Variants in GJB4 observed in about 807,000 individuals in gnomAD.
The protein encoded by GJB4 is gap junction protein beta 4, also known as gap junction beta-4 protein.
For missense variants in GJB4, 371 were observed against 363.8 expected (o/e 1.02, Z -0.16); for synonymous variants, 162 against 158.1 (o/e 1.02, Z -0.18).
chr1:34,761,020 C>G lies in GJB4; in HGVS notation c.-235C>G. On this transcript the variant is annotated 5_prime_UTR_variant, in exon 2 of 2. In the 5' UTR this introduces an upstream ATG that the reference lacks. Transcript: ENST00000339480. The surrounding 1 kb of genome is among the most constrained non-coding windows in gnomAD (Gnocchi z 4.4). Reference sequence around the variant, plus strand: ...CATCTGTGGACCATTGGGCAGGTATCTCTGGGCCTTCACTTACTCTTTGTG... The same window carrying G: ...CATCTGTGGACCATTGGGCAGGTATGTCTGGGCCTTCACTTACTCTTTGTG... The G allele has an allele frequency of 1.7e-6, 1 of 596,822 alleles. No homozygotes were observed. 37.0% of individuals were successfully genotyped at this position (596,822 alleles called of 1,614,324 possible).
Position 34,762,219 on chromosome 1 carries a change from T to C in GJB4, c.*164T>C. ...GCCAATGTGGGAGGTTGGGGGTAGT[T>C]TGGTCCCTGGGTCCTGAGCCTCAGG... On this transcript the variant is annotated 3_prime_UTR_variant, in exon 2 of 2. Transcript: ENST00000339480. 2.8e-6 allele frequency: 2 copies of C among 725,596 alleles called. No individual in the cohort carries two copies. The highest frequency in any genetic ancestry group is 4.2e-5 in the Admixed American group (2 of 47,212). 44.9% of individuals were successfully genotyped at this position (725,596 alleles called of 1,614,324 possible). A position where few individuals can be genotyped will look rare whatever the true frequency, so the allele number is the denominator to read the frequency against.
chr1:34,760,790 G>A (rs1639695641), intron 1 of GJB4, 143 bp from the exon 2 acceptor site: 1 of 244,266 alleles, frequency 4.1e-6, no homozygotes, highest in Non-Finnish European at 8.1e-6. Flanking sequence ...GCCCAGCCCT[G>A]GCAGCTGATG....
rs1998177 is a variant in GJB4, at chr1:34,760,655, T to C, written c.-322-278T>C. The stretch of plus-strand genomic sequence containing the variant: ...AGGCAAGGAGTAAGGATGCAGATTG[T>C]TCTGGGATTTACCAAGGGGCTGATG... On this transcript the variant is annotated intron_variant, in intron 1 of 1. Coordinates refer to ENST00000339480, the MANE Select transcript of GJB4 (RefSeq NM_153212.3). 0.5 allele frequency among the ~76,000 whole-genome samples: 76,457 copies of C among 152,068 alleles called. 21,497 individuals carry two copies. The highest frequency in any genetic ancestry group is 0.77 in the African/African-American group (31,966 of 41,486).
At chr1:34,760,834 G>A (rs573390075) in intron 1 of GJB4, 99 bp from the exon 2 acceptor site, 12 of 280,204 alleles carry the variant, frequency 4.3e-5, no homozygotes, top group African/African-American at 1.5e-4. Context: ...GCCTTCCTAC[G>A]GTCTCTTTAG....
Position 34,761,934 on chromosome 1 carries a change from G to A in GJB4, c.680G>A (p.Arg227Gln), listed in dbSNP as rs768318044. 17 of 1,614,052 alleles carry A rather than the reference G, an allele frequency of 1.1e-5. No homozygotes were observed. The highest frequency in any genetic ancestry group is 6.7e-5 in the Admixed American group (4 of 60,014). ...FGPRHRRPRC[R>Q]ECLPDTCPPY... ...CCCAGGCACCGGCGGCCTCGGTGCC[G>A]GGAATGCCTACCCGATACGTGCCCA... is the stretch of plus-strand genomic sequence containing the variant. The change falls in exon 2 of 2, where the codon CGG becomes CAG. Residue 227 changes from arginine to glutamine, a missense_variant. Arg to Gln is a conservative substitution (Grantham distance 43, BLOSUM62 1). Coordinates refer to ENST00000339480, the MANE Select transcript of GJB4 (RefSeq NM_153212.3). The surrounding 1 kb of genome is among the most constrained non-coding windows in gnomAD (Gnocchi z 4.4).
At position 34,761,504 on chromosome 1, in the gene GJB4, G is replaced by T. The variant is rs773583740; in HGVS notation, c.250G>T (p.Val84Phe). 5 of 1,614,170 alleles carry T rather than the reference G, an allele frequency of 3.1e-6. No homozygotes were observed. In the Admixed American group the frequency reaches 6.7e-5, roughly 22 times the overall value. ...CCTCTGGGCCCTACAGCTCATCCTGGTCACGTGCCCCTCACTGCTCGTGGT... is the reference window on the plus strand; with the variant it reads ...CCTCTGGGCCCTACAGCTCATCCTGTTCACGTGCCCCTCACTGCTCGTGGT... ...VRLWALQLIL[V>F]TCPSLLVVMH... The change falls in exon 2 of 2, where the codon GTC (valine) becomes TTC (phenylalanine). Residue 84 changes from valine (V) to phenylalanine (F), a missense_variant. Physicochemically the swap from Val to Phe is conservative, Grantham distance 50. Coordinates refer to ENST00000339480, the MANE Select transcript of GJB4 (RefSeq NM_153212.3). The surrounding 1 kb of genome is among the most constrained non-coding windows in gnomAD (Gnocchi z 4.4).
rs144672584 is a variant in GJB4, at chr1:34,762,185, C to A, written c.*130C>A. The stretch of plus-strand genomic sequence containing the variant: ...GGTGGCTGTGGGGGCTCAGGAAGCT[C>A]GCCCAGGGGCCAATGTGGGAGGTTG... On this transcript the variant is annotated 3_prime_UTR_variant, in exon 2 of 2. Transcript: ENST00000339480. 3.9e-4 allele frequency: 359 copies of A among 911,554 alleles called. 2 individuals carry two copies. The East Asian group carries it at 9.5e-3, about 24-fold the overall frequency. 56.5% of individuals were successfully genotyped at this position (911,554 alleles called of 1,614,324 possible).
chr1:34,760,688 C>T (rs564146808), intron 1 of GJB4, among the ~76,000 whole-genome samples: 1 of 152,284 alleles, frequency 6.6e-6, no homozygotes, highest in South Asian at 2.1e-4. Context: ...ATGTGAACGT[C>T]CCCAACACGG....
rs528006662 is a variant in GJB4 at position 34,761,536 on chromosome 1, C to T, written c.282C>T (p.His94=). 9.2e-5 allele frequency: 148 copies of T among 1,614,164 alleles called. No homozygotes were observed. The highest frequency in any genetic ancestry group is 7.2e-4 in the Admixed American group (43 of 60,038). The change falls in exon 2 of 2, where the codon CAC becomes CAT. Residue 94 remains histidine (H), a synonymous_variant. Transcript: ENST00000339480. This position sits in a 1 kb window ranked among gnomAD's most constrained non-coding sequence, Gnocchi z 4.4. ...GCCCCTCACTGCTCGTGGTCATGCA[C>T]GTGGCCTACCGCGAGGAACGCGAGC... The part of the protein sequence containing the change: ...VTCPSLLVVM[H]VAYREERERK...
Position 34,762,097 on chromosome 1 carries a change from T to C in GJB4, c.*42T>C. ...ATAAGATCAACAGGTCCCCCCCACATGAGGCCACCCAGGAAAAAAGGCAGG... is the reference window on the plus strand; with the variant it reads ...ATAAGATCAACAGGTCCCCCCCACACGAGGCCACCCAGGAAAAAAGGCAGG... On this transcript the variant is annotated 3_prime_UTR_variant, in exon 2 of 2. Coordinates refer to ENST00000339480, the MANE Select transcript of GJB4 (RefSeq NM_153212.3). The C allele has an allele frequency of 4.5e-6, 7 of 1,549,072 alleles. No individual in the cohort carries two copies. The highest frequency in any genetic ancestry group is 6.2e-6 in the Non-Finnish European group (7 of 1,138,014).
rs1557653096 is a variant in GJB4, at chr1:34,762,160, G to A, written c.*105G>A. The A allele has an allele frequency of 1.7e-6, 2 of 1,183,766 alleles. No individual in the cohort carries two copies. The highest frequency in any genetic ancestry group is 2.5e-6 in the Non-Finnish European group (2 of 814,540). 73.3% of individuals were successfully genotyped at this position (1,183,766 alleles called of 1,614,324 possible). ...CTTGCCGTAGCAGGGTGGTGAGGAG[G>A]GTGGCTGTGGGGGCTCAGGAAGCTC... On this transcript the variant is annotated 3_prime_UTR_variant, in exon 2 of 2. Transcript: ENST00000339480.
chr1:34,761,777 T>C lies in GJB4; in HGVS notation c.523T>C (p.Cys175Arg). The C allele has an allele frequency of 6.2e-7, 1 of 1,614,146 alleles. No homozygotes were observed. Among genetic ancestry groups the C allele is most frequent in the Non-Finnish European group, 8.5e-7 (1 of 1,180,030 alleles). The change falls in exon 2 of 2, where the codon TGT becomes CGT. Residue 175 changes from cysteine to arginine, a missense_variant. Transcript: ENST00000339480. This position sits in a 1 kb window ranked among gnomAD's most constrained non-coding sequence, Gnocchi z 4.4. ...SVEPCPHTVD[C>R]YISRPTEKKV... ...GGAGCCTTGCCCCCACACTGTGGAC[T>C]GTTACATCTCCCGGCCCACGGAGAA...
At position 34,762,045 on chromosome 1, in the gene GJB4, G is replaced by A. The variant is rs772066664; in HGVS notation, c.791G>A (p.Gly264Glu). Residue 264 changes from glycine (G) to glutamate (E), a missense_variant, in exon 2 of 2, where the codon GGG becomes GAG. Coordinates refer to ENST00000339480, the MANE Select transcript of GJB4 (RefSeq NM_153212.3). ...KAGSAPVDAG[G>E]YP is the part of the protein sequence containing the mutation. ...GGGTCGGCCCCAGTGGATGCAGGTG[G>A]GTATCCATAACCTGCGAGATCAGCA... 2 of 1,612,520 alleles carry A rather than the reference G, an allele frequency of 1.2e-6. No homozygotes were observed. The highest frequency in any genetic ancestry group is 8.5e-7 in the Non-Finnish European group (1 of 1,179,378).
chr1:34,762,228 G>C lies in GJB4; in HGVS notation c.*173G>C. The C allele has an allele frequency of 1.4e-6, 1 of 695,070 alleles. No individual in the cohort carries two copies. The highest frequency in any genetic ancestry group is 2.7e-5 in the East Asian group (1 of 36,924). 43.1% of individuals were successfully genotyped at this position (695,070 alleles called of 1,614,324 possible). On this transcript the variant is annotated 3_prime_UTR_variant, in exon 2 of 2. Transcript: ENST00000339480. ...GGAGGTTGGGGGTAGTTTGGTCCCTGGGTCCTGAGCCTCAGGGGAGGGAGG... is the reference window on the plus strand; with the variant it reads ...GGAGGTTGGGGGTAGTTTGGTCCCTCGGTCCTGAGCCTCAGGGGAGGGAGG...
At position 34,761,696 on chromosome 1, in the gene GJB4, A is replaced by G. The variant is rs766186018; in HGVS notation, c.442A>G (p.Ile148Val). ...CGCCGTGGATGCTGGCTTCCTCTAT[A>G]TCTTCCACCGCCTCTACAAGGATTA... Reference protein sequence around the residue: ...KAAVDAGFLYIFHRLYKDYDM... With the variant: ...KAAVDAGFLYVFHRLYKDYDM... Residue 148 changes from isoleucine to valine, a missense_variant, in exon 2 of 2, where the codon ATC (isoleucine) becomes GTC (valine). Transcript: ENST00000339480. The surrounding 1 kb of genome is among the most constrained non-coding windows in gnomAD (Gnocchi z 4.4). The G allele has an allele frequency of 5.0e-6, 8 of 1,613,918 alleles. No individual in the cohort carries two copies. The highest frequency in any genetic ancestry group is 1.7e-5 in the Admixed American group (1 of 60,000).
intron 1 of GJB4, among the ~76,000 whole-genome samples, chr1:34,760,097 C>T (rs939481832): frequency 1.3e-5 from 2 of 152,168 alleles, no homozygotes; most frequent in African/African-American, 4.8e-5. Context: ...GAAGAGCCTG[C>T]CCTCTAGCAG....
In GJB4 at chr1:34,761,695, T is replaced by C. The variant is rs199901284; in HGVS notation, c.441T>C (p.Tyr147=). The C allele has an allele frequency of 6.8e-6, 11 of 1,614,152 alleles. No individual in the cohort carries two copies. Among genetic ancestry groups the C allele is most frequent in the African/African-American group, 5.3e-5 (4 of 75,048 alleles). Residue 147 remains tyrosine (Y), a synonymous_variant, in exon 2 of 2, where the codon TAT becomes TAC. Coordinates refer to ENST00000339480, the MANE Select transcript of GJB4 (RefSeq NM_153212.3). The surrounding 1 kb of genome is among the most constrained non-coding windows in gnomAD (Gnocchi z 4.4). ...FKAAVDAGFL[Y]IFHRLYKDYD... is the part of the protein sequence containing the mutation. ...CCGCCGTGGATGCTGGCTTCCTCTA[T>C]ATCTTCCACCGCCTCTACAAGGATT...
At position 34,761,360 on chromosome 1, in the gene GJB4, TA is replaced by T; in HGVS notation, c.107del (p.Tyr36SerfsTer72). ...SVVFIFRVLV[Y>X]VVAAEEVWDD... ...GGTGTTCATCTTTCGTGTGCTGGTG[TA>T]CGTGGTGGCAGCGGAGGAGGTGTGG... On this transcript the variant is annotated frameshift_variant, in exon 2 of 2. Transcript: ENST00000339480. LOFTEE classifies it low-confidence loss of function (END_TRUNC). The surrounding 1 kb of genome is among the most constrained non-coding windows in gnomAD (Gnocchi z 4.4). 7 of 1,614,020 alleles carry T rather than the reference TA, an allele frequency of 4.3e-6. No homozygotes were observed. In the Middle Eastern group the frequency reaches 1.2e-3, roughly 266 times the overall value.
Position 34,761,359 on chromosome 1 carries a change from G to A in GJB4, c.105G>A (p.Val35=). Residue 35 remains valine (V), a synonymous_variant, in exon 2 of 2, where the codon GTG becomes GTA. Coordinates refer to ENST00000339480, the MANE Select transcript of GJB4 (RefSeq NM_153212.3). The surrounding 1 kb of genome is among the most constrained non-coding windows in gnomAD (Gnocchi z 4.4). ...TGGTGTTCATCTTTCGTGTGCTGGT[G>A]TACGTGGTGGCAGCGGAGGAGGTGT... ...LSVVFIFRVL[V]YVVAAEEVWD... 3.7e-6 allele frequency: 6 copies of A among 1,614,072 alleles called. No homozygotes were observed. Among genetic ancestry groups the A allele is most frequent in the Non-Finnish European group, 5.1e-6 (6 of 1,179,888 alleles).
Sources: gnomAD v4.1 joint callset for allele counts (sites outside exome capture counted in the v4.1 genomes callset) on GRCh38, gnomAD v4.1.1 for gene constraint, Gnocchi (gnomAD v3.1) non-coding constraint, MANE v1.5 for transcripts, NCBI Gene and HGNC (gene_info 2026-07-23, HGNC 2026-07-21) for gene names.